Variants in DNAJC15 observed in about 807,000 individuals in gnomAD.
DNAJC15 encodes DnaJ heat shock protein family (Hsp40) member C15.
In DNAJC15, 27 loss-of-function variants were observed where a neutral mutation model predicts 22.4. That is an observed-to-expected ratio of 1.20 (90% confidence interval 0.89 to 1.66). The LOEUF is 1.66. Among genes scored for constraint, DNAJC15 ranks in the 40% most tolerant of loss-of-function variants. DNAJC15 has a pLI of 0.00. For synonymous variants in DNAJC15, 79 were observed against 63.2 expected, an observed-to-expected ratio of 1.25 and a Z score of -1.19; for missense variants, 208 against 187.1, an observed-to-expected ratio of 1.11 and a Z score of -0.65.
chr13:43,069,272 C>T (rs772391262), intron 3 of DNAJC15, among the ~76,000 whole-genome samples: 7 of 152,080 alleles, frequency 4.6e-5, no homozygotes, highest in Non-Finnish European at 8.8e-5. Context: ...ATGTAACTTA[C>T]TTTACCCGTT....
Position 43,048,164 on chromosome 13 carries a change from A to G in DNAJC15, c.109-17522A>G, listed in dbSNP as rs11841112. Among the ~76,000 whole-genome samples the G allele has an allele frequency of 5.6e-3, 849 of 152,276 alleles. 1 individual carries two copies. Among genetic ancestry groups the G allele is most frequent in the Non-Finnish European group, 9.7e-3 (660 of 68,016 alleles). ...GCTATGCTTTTTGTAATTTTTGACAAGTGTACTCTAAAGTAATGAATTTTA... is the reference window on the plus strand; with the variant it reads ...GCTATGCTTTTTGTAATTTTTGACAGGTGTACTCTAAAGTAATGAATTTTA... On this transcript the variant is annotated intron_variant, in intron 1 of 5. Coordinates refer to ENST00000379221, the MANE Select transcript of DNAJC15 (RefSeq NM_013238.3).
intron 5 of DNAJC15, among the ~76,000 whole-genome samples, chr13:43,090,050 T>C (rs748431711): frequency 6.6e-5 from 10 of 152,240 alleles, no homozygotes; most frequent in Admixed American, 1.3e-4. Context: ...TAATGGATTA[T>C]AACCTGTTAA....
chr13:43,066,074 T>C (rs2040582141), intron 2 of DNAJC15, among the ~76,000 whole-genome samples: 1 of 152,130 alleles, frequency 6.6e-6, no homozygotes, highest in Admixed American at 6.5e-5. Context: ...TATTCTCCCA[T>C]ATTTATTTTT....
chr13:43,106,198 A>G (rs1057030461), intron 5 of DNAJC15, among the ~76,000 whole-genome samples: 1 of 152,206 alleles, frequency 6.6e-6, no homozygotes, highest in Non-Finnish European at 1.5e-5. Context: ...CTGAGACCTT[A>G]TGATATTTTC....
intron 2 of DNAJC15, among the ~76,000 whole-genome samples, chr13:43,068,499 G>A (rs969631165): frequency 2.6e-5 from 4 of 151,812 alleles, no homozygotes; most frequent in African/African-American, 9.7e-5. Context: ...AATATAATTT[G>A]TTTTCTATAT....
intron 5 of DNAJC15, among the ~76,000 whole-genome samples, chr13:43,089,646 T>A (rs896882602): frequency 5.2e-4 from 79 of 152,224 alleles, no homozygotes; most frequent in African/African-American, 1.8e-3. Context: ...CCCAGATTTT[T>A]AAAACTAGGT....
intron 1 of DNAJC15, among the ~76,000 whole-genome samples, chr13:43,044,049 C>T (rs914078112): frequency 2.6e-5 from 4 of 152,026 alleles, no homozygotes; most frequent in Admixed American, 6.6e-5. Context: ...ATTCTCCTCC[C>T]CTCCTTATTC....
At chr13:43,062,870 C>G (rs1241450099) in intron 1 of DNAJC15, among the ~76,000 whole-genome samples, 1 of 151,274 alleles carries the variant, frequency 6.6e-6, no homozygotes, top group Non-Finnish European at 1.5e-5. Flanking sequence ...AGGAGCCCAC[C>G]ACCATGCCCG....
At chr13:43,076,200 G>A (rs889857365) in intron 3 of DNAJC15, among the ~76,000 whole-genome samples, 1 of 152,170 alleles carries the variant, frequency 6.6e-6, no homozygotes, top group Admixed American at 6.5e-5. Flanking sequence ...TATTCTCACA[G>A]TATTGATTCA....
chr13:43,029,310 A>G (rs2040394295), intron 1 of DNAJC15, among the ~76,000 whole-genome samples: 1 of 152,212 alleles, frequency 6.6e-6, no homozygotes, highest in Admixed American at 6.5e-5. Context: ...TCTCCATCAC[A>G]ACTACCACCC....
At chr13:43,091,673 CT>C (rs1407389624) in intron 5 of DNAJC15, among the ~76,000 whole-genome samples, 90 of 147,024 alleles carry the variant, frequency 6.1e-4, no homozygotes, top group Non-Finnish European at 1.5e-5. Flanking sequence ...CTTCCACTAT[CT>C]TTGAGTTTAT....
chr13:43,079,787 AGACAGGAGTT>A (rs1319439753), intron 4 of DNAJC15, among the ~76,000 whole-genome samples: 1 of 152,210 alleles, frequency 6.6e-6, no homozygotes, highest in Non-Finnish European at 1.5e-5. Context: ...TTGTTAGGAC[AGACAGGAGTT>A]GACTGTATTT....
chr13:43,064,654 CATGTATTAATAA>C (rs1309594372), intron 1 of DNAJC15, among the ~76,000 whole-genome samples: 1 of 152,098 alleles, frequency 6.6e-6, no homozygotes, highest in Non-Finnish European at 1.5e-5. Flanking sequence ...ATTTTTATCC[CATGTATTAATAA>C]ATAAAGGCAA....
chr13:43,051,737 G>A (rs930362415), intron 1 of DNAJC15, among the ~76,000 whole-genome samples: 7 of 151,970 alleles, frequency 4.6e-5, no homozygotes, highest in Admixed American at 1.3e-4. Context: ...ATTGTGAATT[G>A]TGCTGCCATA....
chr13:43,024,356 T>C (rs2040369246), intron 1 of DNAJC15, among the ~76,000 whole-genome samples: 1 of 115,436 alleles, frequency 8.7e-6, no homozygotes, highest in Non-Finnish European at 1.9e-5. Context: ...TTTTTTTTTT[T>C]TTTTTGAGAC....
At chr13:43,044,795 CTCTA>C (rs1400888924) in intron 1 of DNAJC15, among the ~76,000 whole-genome samples, 1 of 151,982 alleles carries the variant, frequency 6.6e-6, no homozygotes, top group Non-Finnish European at 1.5e-5. Flanking sequence ...TACCTCCGAA[CTCTA>C]TCTAGTATCT....
intron 1 of DNAJC15, among the ~76,000 whole-genome samples, chr13:43,060,390 A>C (rs1353261483): frequency 1.3e-5 from 2 of 152,204 alleles, no homozygotes; most frequent in Non-Finnish European, 2.9e-5. Flanking sequence ...GAAAGACACA[A>C]GGTCCGAATA....
intron 1 of DNAJC15, among the ~76,000 whole-genome samples, chr13:43,024,579 C>T (rs1161189011): frequency 2.6e-5 from 4 of 151,798 alleles, no homozygotes; most frequent in East Asian, 1.9e-4. Context: ...CTGCTTACCT[C>T]GTGATCCGCC....
chr13:43,090,128 C>T (rs1156724185), intron 5 of DNAJC15, among the ~76,000 whole-genome samples: 1 of 152,154 alleles, frequency 6.6e-6, no homozygotes, highest in Non-Finnish European at 1.5e-5. Context: ...TTGGGCAGCA[C>T]TCAGAACCAG....
Sources: gnomAD v4.1 joint callset for allele counts (sites outside exome capture counted in the v4.1 genomes callset) on GRCh38, gnomAD v4.1.1 for gene constraint, MANE v1.5 for transcripts, NCBI Gene and HGNC (gene_info 2026-07-23, HGNC 2026-07-21) for gene names.